Variants in MAPK14 observed in about 807,000 individuals in gnomAD.
The protein encoded by MAPK14 is mitogen-activated protein kinase 14, also known as CSAID-binding protein.
Under a neutral mutation model 49.6 loss-of-function variants are expected in MAPK14, and 16 were observed. The observed-to-expected ratio is 0.32, with a 90% CI of 0.22 to 0.49. The LOEUF (loss-of-function observed/expected upper bound fraction) is 0.49, where lower values mean the gene tolerates loss of function less well. Ranked by LOEUF, MAPK14 falls within the 20% of genes least tolerant of loss-of-function variation. The pLI, the probability that MAPK14 is intolerant of heterozygous loss-of-function variation, is 0.99. For synonymous variants in MAPK14, 142 were observed against 158.0 expected, an observed-to-expected ratio of 0.90 and a Z score of 0.76; for missense variants, 200 against 441.2, an observed-to-expected ratio of 0.45 and a Z score of 4.90.
At position 36,109,604 on chromosome 6, in the gene MAPK14, G is replaced by A. The variant is rs1765903706; in HGVS notation, c.*1157G>A. 1 of 152,644 alleles carries A rather than the reference G, an allele frequency of 6.6e-6. No homozygotes were observed. Among genetic ancestry groups the A allele is most frequent in the Non-Finnish European group, 1.5e-5 (1 of 68,036 alleles). The allele number at this position is 152,644 out of a possible 1,614,324, so 9.5% of individuals were successfully genotyped here. On this transcript the variant is annotated 3_prime_UTR_variant, in exon 12 of 12. Transcript: ENST00000229794. ...GCTTTTGATGTGAAAATCATGAAAAGAGGAACAGGTGGATGTATAGCATTT... is the reference window on the plus strand; with the variant it reads ...GCTTTTGATGTGAAAATCATGAAAAAAGGAACAGGTGGATGTATAGCATTT...
intron 3 of MAPK14, among the ~76,000 whole-genome samples, chr6:36,065,116 A>G (rs532036828): frequency 2.0e-5 from 3 of 152,150 alleles, no homozygotes; most frequent in Middle Eastern, 3.2e-3. Flanking sequence ...TTCTTTTGTT[A>G]CCATTCTAAC....
chr6:36,120,237 C>G, the MAPK14 span, among the ~76,000 whole-genome samples: 1 of 152,284 alleles, frequency 6.6e-6, no homozygotes, highest in Admixed American at 6.5e-5. Flanking sequence ...GTGTGTGGCT[C>G]ATAGTAAGAA....
intron 3 of MAPK14, among the ~76,000 whole-genome samples, chr6:36,069,279 C>A (rs1392799177): frequency 6.6e-6 from 1 of 152,126 alleles, no homozygotes; most frequent in Admixed American, 6.5e-5. Context: ...TTCCTTGCCC[C>A]CCATCCTGTT....
intron 2 of MAPK14, among the ~76,000 whole-genome samples, chr6:36,056,391 CAG>C (rs1239774861): frequency 1.3e-5 from 2 of 152,136 alleles, no homozygotes; most frequent in Admixed American, 6.5e-5. Flanking sequence ...AAATGGGACT[CAG>C]AGAAGATACC....
At chr6:36,080,295 A>T (rs1044255790) in intron 8 of MAPK14, among the ~76,000 whole-genome samples, 1 of 152,154 alleles carries the variant, frequency 6.6e-6, no homozygotes, top group Non-Finnish European at 1.5e-5. Flanking sequence ...ATGATGTACA[A>T]TCACTACTAC....
intron 3 of MAPK14, among the ~76,000 whole-genome samples, chr6:36,065,341 A>G (rs1467048534): frequency 1.3e-5 from 2 of 152,200 alleles, no homozygotes; most frequent in East Asian, 1.9e-4. Flanking sequence ...ATAGAGTGCT[A>G]AAGGACTGCA....
chr6:36,102,728 C>G (rs1024974419), intron 10 of MAPK14, 79 bp downstream of exon 10: 1 of 1,593,946 alleles, frequency 6.3e-7, no homozygotes, highest in Non-Finnish European at 8.5e-7. Flanking sequence ...AAGAGTTTCT[C>G]CTTTTGACCA....
chr6:36,058,378 AG>A (rs1449241349), intron 2 of MAPK14, among the ~76,000 whole-genome samples: 1 of 152,222 alleles, frequency 6.6e-6, no homozygotes, highest in Non-Finnish European at 1.5e-5. Flanking sequence ...TACATACGTA[AG>A]GCAAGGACCC....
In MAPK14 at chr6:36,065,670, C is replaced by T. The variant is rs564493256; in HGVS notation, c.305+6323C>T. On this transcript the variant is annotated intron_variant, in intron 3 of 11. Transcript: ENST00000229794. ...GCTTTAGAGAAGAGATCAAAGGGTA[C>T]TGGGAACTGGAAATGGGATTGGAAA... Among the ~76,000 whole-genome samples, 12 of 152,004 alleles carry T rather than the reference C, an allele frequency of 7.9e-5. 1 individual carries two copies. In the South Asian group the frequency reaches 2.5e-3, roughly 32 times the overall value.
chr6:36,090,533 T>TC (rs1340518992), intron 8 of MAPK14, among the ~76,000 whole-genome samples: 1 of 151,136 alleles, frequency 6.6e-6, no homozygotes. Context: ...CTCTCTTTTT[T>TC]TTTTTTTTTG....
At chr6:36,029,480 T>TA (rs1394423958) in intron 1 of MAPK14, among the ~76,000 whole-genome samples, 1 of 152,236 alleles carries the variant, frequency 6.6e-6, no homozygotes, top group Non-Finnish European at 1.5e-5. Context: ...GATCTTAAAC[T>TA]AAGTATCAGA....
At chr6:36,099,072 A>G (rs189180111) in intron 9 of MAPK14, among the ~76,000 whole-genome samples, 2 of 152,346 alleles carry the variant, frequency 1.3e-5, no homozygotes, top group East Asian at 1.9e-4. Context: ...CTGCTAAGTC[A>G]TCTGACCACT....
At chr6:36,087,290 A>G (rs1464866976) in intron 8 of MAPK14, among the ~76,000 whole-genome samples, 2 of 152,222 alleles carry the variant, frequency 1.3e-5, no homozygotes, top group Non-Finnish European at 2.9e-5. Context: ...GGCCAGGGCA[A>G]TCAGGCAAAA....
At chr6:36,040,571 T>C (rs1281717047) in intron 1 of MAPK14, among the ~76,000 whole-genome samples, 1 of 152,160 alleles carries the variant, frequency 6.6e-6, no homozygotes, top group East Asian at 1.9e-4. Flanking sequence ...GCTTAATGGA[T>C]GGGAGAACTT....
rs200279778 is a variant in MAPK14 at position 36,027,814 on chromosome 6, G to A, written c.-344G>A. On this transcript the variant is annotated 5_prime_UTR_variant, in exon 1 of 12. Coordinates refer to ENST00000229794, the MANE Select transcript of MAPK14 (RefSeq NM_139012.3). The stretch of plus-strand genomic sequence containing the variant: ...GGCTCTTGGAACCGCGACCACTGGA[G>A]CCTTAGCGGGCGCAGCAGCTGGAAC... The A allele has an allele frequency of 7.5e-6, 3 of 400,848 alleles. No homozygotes were observed. The highest frequency in any genetic ancestry group is 4.4e-5 in the Admixed American group (1 of 22,728). 24.8% of individuals were successfully genotyped at this position (400,848 alleles called of 1,614,324 possible). A position where few individuals can be genotyped will look rare whatever the true frequency, so the allele number is the denominator to read the frequency against.
intron 1 of MAPK14, among the ~76,000 whole-genome samples, chr6:36,036,311 TA>T (rs1762750113): frequency 6.8e-6 from 1 of 147,920 alleles, no homozygotes; most frequent in Non-Finnish European, 1.5e-5. Flanking sequence ...AATGAATAAA[TA>T]AAGTAGTTTC....
At chr6:36,121,801 C>T in the MAPK14 span, among the ~76,000 whole-genome samples, 2 of 152,206 alleles carry the variant, frequency 1.3e-5, no homozygotes, top group African/African-American at 4.8e-5. Context: ...GCAAGACTAC[C>T]TGGTCTTCAC....
intron 1 of MAPK14, among the ~76,000 whole-genome samples, chr6:36,030,641 C>T (rs1400195772): frequency 1.3e-5 from 2 of 148,884 alleles, no homozygotes; most frequent in East Asian, 4.0e-4. Context: ...GAGCTGAGAT[C>T]GCTCCACTGC....
At chr6:36,032,779 T>C (rs1274467882) in intron 1 of MAPK14, among the ~76,000 whole-genome samples, 1 of 152,252 alleles carries the variant, frequency 6.6e-6, no homozygotes, top group African/African-American at 2.4e-5. Flanking sequence ...TGTGGATTGC[T>C]TGCTATGTTC....
Sources: gnomAD v4.1 joint callset for allele counts (sites outside exome capture counted in the v4.1 genomes callset) on GRCh38, gnomAD v4.1.1 for gene constraint, MANE v1.5 for transcripts, NCBI Gene and HGNC (gene_info 2026-07-23, HGNC 2026-07-21) for gene names.